The following LDHAL6A variants were observed in gnomAD, a reference collection of about 807,000 sequenced individuals.
The protein encoded by LDHAL6A is lactate dehydrogenase A like 6A.
In LDHAL6A, 19 loss-of-function variants were observed where a neutral mutation model predicts 28.2. The observed-to-expected ratio is 0.67, with a 90% CI of 0.47 to 0.99. The LOEUF (loss-of-function observed/expected upper bound fraction) is 0.99, where lower values mean the gene tolerates loss of function less well. Among genes scored for constraint, LDHAL6A ranks in the 50% least tolerant of loss-of-function variants. The pLI, the probability that LDHAL6A is intolerant of heterozygous loss-of-function variation, is 0.00. For missense variants in LDHAL6A, 372 were observed against 398.6 expected, an observed-to-expected ratio of 0.93 and a Z score of 0.57; for synonymous variants, 144 against 134.4, an observed-to-expected ratio of 1.07 and a Z score of -0.49.
chr11:18,460,465 CAT>C (rs1222878960), intron 1 of LDHAL6A, among the ~76,000 whole-genome samples: 30 of 151,660 alleles, frequency 2.0e-4, no homozygotes, highest in Admixed American at 1.3e-3. Flanking sequence ...CGGTGGCATG[CAT>C]CTGTAATCCC....
At position 18,456,466 on chromosome 11, in the gene LDHAL6A, C is replaced by G. The variant is rs1039254713; in HGVS notation, c.-215C>G. The stretch of plus-strand genomic sequence containing the variant: ...CACGCTTCCTTCTCCTTCCCCTGGT[C>G]CGCTTCATGGATGCTGAGCTGCCTG... On this transcript the variant is annotated 5_prime_UTR_variant, in exon 1 of 7. Coordinates refer to ENST00000280706, the MANE Select transcript of LDHAL6A (RefSeq NM_144972.5). 1 of 534,964 alleles carries G rather than the reference C, an allele frequency of 1.9e-6. No individual in the cohort carries two copies. Among genetic ancestry groups the G allele is most frequent in the African/African-American group, 1.9e-5 (1 of 51,744 alleles). 33.1% of individuals were successfully genotyped at this position (534,964 alleles called of 1,614,324 possible).
At chr11:18,458,313 C>T (rs1224101946) in intron 1 of LDHAL6A, among the ~76,000 whole-genome samples, 1 of 152,158 alleles carries the variant, frequency 6.6e-6, no homozygotes, top group Non-Finnish European at 1.5e-5. Context: ...GCACAGGCCC[C>T]ACCGGGCATG....
At position 18,456,723 on chromosome 11, in the gene LDHAL6A, G is replaced by C; in HGVS notation, c.43G>C (p.Glu15Gln). Residue 15 changes from glutamate to glutamine, a missense_variant, in exon 1 of 7, where the codon GAG becomes CAG. Around this residue, in one of 3 missense-constraint regions of LDHAL6A, gnomAD observed 77 missense variants for 77.9 expected, o/e 0.99. Coordinates refer to ENST00000280706, the MANE Select transcript of LDHAL6A (RefSeq NM_144972.5). ...KSELIKNFAE[E>Q]EAIHHNKISI... ...TGAACTTATTAAGAATTTCGCGGAA[G>C]AGGAGGCCATTCATCACAATAAGAT... 1 of 1,613,970 alleles carries C rather than the reference G, an allele frequency of 6.2e-7. No individual in the cohort carries two copies. The highest frequency in any genetic ancestry group is 8.5e-7 in the Non-Finnish European group (1 of 1,179,876).
intron 1 of LDHAL6A, among the ~76,000 whole-genome samples, 199 bp from the exon 2 acceptor site, chr11:18,463,762 G>A (rs1164085291): frequency 3.9e-5 from 6 of 152,168 alleles, no homozygotes; most frequent in Non-Finnish European, 7.3e-5. Context: ...ATGATGAGCT[G>A]AAATGCTCCT....
At chr11:18,468,988 G>C (rs1849192991) in intron 3 of LDHAL6A, 1 of 392,272 alleles carries the variant, frequency 2.5e-6, no homozygotes, top group East Asian at 3.7e-5. Context: ...TGGTAGTCCG[G>C]CGCTACAAGG....
At chr11:18,466,637 G>C (rs1174652161) in intron 3 of LDHAL6A, among the ~76,000 whole-genome samples, 5 of 140,844 alleles carry the variant, frequency 3.6e-5, no homozygotes, top group Non-Finnish European at 7.6e-5. Context: ...CTGGGTCACA[G>C]TGAGACCCTG....
At chr11:18,458,340 C>T (rs1848811021) in intron 1 of LDHAL6A, among the ~76,000 whole-genome samples, 1 of 152,160 alleles carries the variant, frequency 6.6e-6, no homozygotes, top group Non-Finnish European at 1.5e-5. Context: ...CATCTGTAGG[C>T]TCCACTGGTG....
chr11:18,473,688 C>T (rs931497913), intron 3 of LDHAL6A, among the ~76,000 whole-genome samples: 7 of 152,062 alleles, frequency 4.6e-5, no homozygotes, highest in Non-Finnish European at 5.9e-5. Context: ...TGTGAGCCAC[C>T]GTGTCTGGCC....
intron 1 of LDHAL6A, 123 bp downstream of exon 1, chr11:18,456,929 G>A: frequency 1.0e-6 from 1 of 979,630 alleles, no homozygotes; most frequent in Non-Finnish European, 1.4e-6. Context: ...GGGCATCAGA[G>A]GAAAAGGTGC....
rs139187632 is a variant in LDHAL6A at position 18,460,589 on chromosome 11, C to T, written c.127-3372C>T. On this transcript the variant is annotated intron_variant, in intron 1 of 6. Coordinates refer to ENST00000280706, the MANE Select transcript of LDHAL6A (RefSeq NM_144972.5). ...CCCTGGGCAACAAGAGCAGAAACTC[C>T]GTCTCAAAAAAAAAAAAAAAAAATG... 5.8e-3 allele frequency among the ~76,000 whole-genome samples: 748 copies of T among 130,078 alleles called. 8 individuals carry two copies. Among genetic ancestry groups the T allele is most frequent in the African/African-American group, 0.023 (687 of 29,412 alleles). 85.3% of individuals were successfully genotyped at this position (130,078 alleles called of 152,430 possible). A position where few individuals can be genotyped will look rare whatever the true frequency, so the allele number is the denominator to read the frequency against.
intron 2 of LDHAL6A, among the ~76,000 whole-genome samples, chr11:18,464,977 G>GTTTGTTTT (rs1849013732): frequency 1.1e-4 from 14 of 125,486 alleles, no homozygotes; most frequent in African/African-American, 4.7e-4. Context: ...TGTTTTTTTT[G>GTTTGTTTT]TTTTTTTTTG....
rs749344273 is a variant in LDHAL6A at position 18,456,566 on chromosome 11, G to GA, written c.-115_-114insA. The GA allele has an allele frequency of 2.0e-3, 1,440 of 721,380 alleles. 15 individuals are homozygous for GA. The highest frequency in any genetic ancestry group is 2.4e-3 in the Non-Finnish European group (1,159 of 477,380). 44.7% of individuals were successfully genotyped at this position (721,380 alleles called of 1,614,324 possible). On this transcript the variant is annotated 5_prime_UTR_variant, in exon 1 of 7. It removes the in-frame stop codon of an upstream open reading frame in the 5' UTR. Transcript: ENST00000280706. Reference sequence around the variant, plus strand: ...GTGTCTGCAGCACCTCCTTCCACACGGGCCCAGGAGTTCTCTATACGCGCT... The same window carrying GA: ...GTGTCTGCAGCACCTCCTTCCACACGAGGCCCAGGAGTTCTCTATACGCGCT...
intron 3 of LDHAL6A, among the ~76,000 whole-genome samples, chr11:18,470,545 C>A (rs1849232743): frequency 6.6e-6 from 1 of 152,198 alleles, no homozygotes; most frequent in Non-Finnish European, 1.5e-5. Context: ...CTTTAGAAAT[C>A]TCCCTTTCAA....
intron 3 of LDHAL6A, chr11:18,475,143 GA>G (rs1849341027): frequency 4.8e-6 from 1 of 206,922 alleles, no homozygotes; most frequent in Admixed American, 5.5e-5. Flanking sequence ...GCTTTTTGTT[GA>G]AAATGGGTTA....
intron 3 of LDHAL6A, 189 bp from the exon 4 acceptor site, chr11:18,475,277 G>A (rs564086162): frequency 1.1e-4 from 53 of 502,806 alleles, no homozygotes; most frequent in South Asian, 6.6e-4. Context: ...AAGTATCAAC[G>A]AAAAGGTTTT....
In LDHAL6A at chr11:18,477,434, G is replaced by A. The variant is rs144785210; in HGVS notation, c.711-186G>A. Among the ~76,000 whole-genome samples the A allele has an allele frequency of 3.3e-5, 5 of 151,506 alleles. No homozygotes were observed. The East Asian group carries it at 7.8e-4, about 24-fold the overall frequency. ...AGATCACACTACTGCCCTCCAGCCT[G>A]GGTGACAGAGCAAGACTTAAAAAAA... On this transcript the variant is annotated intron_variant, in intron 5 of 6. Coordinates refer to ENST00000280706, the MANE Select transcript of LDHAL6A (RefSeq NM_144972.5).
Position 18,456,358 on chromosome 11 carries a change from C to T in LDHAL6A, c.-323C>T. The T allele has an allele frequency of 4.0e-6, 1 of 250,130 alleles. No homozygotes were observed. The highest frequency in any genetic ancestry group is 2.3e-5 in the African/African-American group (1 of 43,052). The allele number at this position is 250,130 out of a possible 1,614,324, so 15.5% of individuals were successfully genotyped here. On this transcript the variant is annotated 5_prime_UTR_variant, in exon 1 of 7. Transcript: ENST00000280706. ...AGGGGGTCAGCTGCGGGACGGAGTG[C>T]CGTCCCAGCTGTAGTTTCATGTTTG...
rs560060754 is a variant in LDHAL6A, at chr11:18,458,384, G to T, written c.126+1578G>T. ...CTGGAGGCTTAAAATGCCACCTGTA[G>T]CACCCATTGTTCAAACTCAGTGGTG... On this transcript the variant is annotated intron_variant, in intron 1 of 6. Coordinates refer to ENST00000280706, the MANE Select transcript of LDHAL6A (RefSeq NM_144972.5). Among the ~76,000 whole-genome samples, 20 of 152,344 alleles carry T rather than the reference G, an allele frequency of 1.3e-4. No individual in the cohort carries two copies. The South Asian group carries it at 4.1e-3, about 32-fold the overall frequency.
Position 18,467,922 on chromosome 11 carries a change from CACACA to C in LDHAL6A, c.418+2113_418+2117del. 4.3e-5 allele frequency among the ~76,000 whole-genome samples: 2 copies of C among 46,524 alleles called. 1 individual carries two copies. Among genetic ancestry groups the C allele is most frequent in the South Asian group, 2.3e-3 (2 of 872 alleles). 30.5% of individuals were successfully genotyped at this position (46,524 alleles called of 152,430 possible). A position where few individuals can be genotyped will look rare whatever the true frequency, so the allele number is the denominator to read the frequency against. On this transcript the variant is annotated intron_variant, in intron 3 of 6. Transcript: ENST00000280706. ...ATATATATATATATATATATATACA[CACACA>C]TATATATATACACACACATATATAT...
Sources: gnomAD v4.1 joint callset for allele counts (sites outside exome capture counted in the v4.1 genomes callset) on GRCh38, gnomAD v4.1.1 for gene constraint, gnomAD v4.1.1 regional missense constraint, MANE v1.5 for transcripts, NCBI Gene and HGNC (gene_info 2026-07-23, HGNC 2026-07-21) for gene names.